Variants in LITAF observed in about 807,000 individuals in gnomAD.
LITAF encodes the protein lipopolysaccharide induced TNF factor.
In LITAF, 9 loss-of-function variants were observed where a neutral mutation model predicts 14.5. The ratio of observed to expected loss-of-function variants is 0.62; its 90% CI spans 0.37 to 1.08. The LOEUF is 1.08. Ranked by LOEUF, LITAF falls within the 50% of genes least tolerant of loss-of-function variation. LITAF has a pLI of 0.01. For synonymous variants in LITAF, 98 were observed against 88.2 expected (o/e 1.11, Z -0.62); for missense variants, 206 against 213.4 (o/e 0.97, Z 0.22).
At chr16:11,563,985 C>A (rs555794926) in intron 1 of LITAF, among the ~76,000 whole-genome samples, 1 of 152,216 alleles carries the variant, frequency 6.6e-6, no homozygotes, top group East Asian at 1.9e-4. Flanking sequence ...CAGCTCACTG[C>A]AACCTCTGCC....
chr16:11,605,222 A>C lies in LITAF; in HGVS notation c.85+28311T>G, dbSNP rs1398273050. Reference sequence around the variant, plus strand: ...CAGCTCTGGATGGAGGATGAGCTGAATTACGCACCGTGGACTTCACCAGTG... The same window carrying C: ...CAGCTCTGGATGGAGGATGAGCTGACTTACGCACCGTGGACTTCACCAGTG... On this transcript the variant is annotated intron_variant, in intron 3 of 3. Transcript: ENST00000574848. The surrounding 1 kb of genome is among the most constrained non-coding windows in gnomAD (Gnocchi z 4.7). Among the ~76,000 whole-genome samples the C allele has an allele frequency of 2.0e-5, 3 of 152,304 alleles. No individual in the cohort carries two copies. Among genetic ancestry groups the C allele is most frequent in the South Asian group, 2.1e-4 (1 of 4,826 alleles).
At chr16:11,562,601 C>T (rs539816156) in intron 1 of LITAF, among the ~76,000 whole-genome samples, 29 of 152,244 alleles carry the variant, frequency 1.9e-4, no homozygotes, top group African/African-American at 5.8e-4. Flanking sequence ...ATTTGCTCAA[C>T]GAAAGGTATT....
At chr16:11,590,743 G>A (rs2064841897), upstream of LITAF, among the ~76,000 whole-genome samples, 1 of 117,178 alleles carries the variant, frequency 8.5e-6, no homozygotes, top group African/African-American at 4.1e-5. Context: ...TTGTTGTTTT[G>A]TGTTTTTGAG....
intron 1 of LITAF, among the ~76,000 whole-genome samples, chr16:11,585,230 C>CAAA (rs35542925): frequency 1.3e-3 from 122 of 90,716 alleles, no homozygotes; most frequent in African/African-American, 4.6e-3. Context: ...GACTCTGTCT[C>CAAA]AAAAAAAAAA....
chr16:11,604,023 G>T (rs1567260658), intron 3 of LITAF, among the ~76,000 whole-genome samples: 4 of 151,440 alleles, frequency 2.6e-5, no homozygotes, highest in Middle Eastern at 6.8e-3. Context: ...CTCCAGCCTG[G>T]GCAACAGAGC....
rs2141908777 is a variant in LITAF at position 11,632,232 on chromosome 16, T to C, written c.85+1301A>G. Among the ~76,000 whole-genome samples the C allele has an allele frequency of 6.6e-6, 1 of 152,208 alleles. No homozygotes were observed. Among genetic ancestry groups the C allele is most frequent in the Non-Finnish European group, 1.5e-5 (1 of 68,004 alleles). ...TGCTGGGAGTTACGTCGTGGACGTG[T>C]CTTTCGGGGAGGGGTCATTATCAAG... On this transcript the variant is annotated intron_variant, in intron 3 of 3. Transcript: ENST00000574848. The surrounding 1 kb of genome is among the most constrained non-coding windows in gnomAD (Gnocchi z 4.8).
intron 2 of LITAF, among the ~76,000 whole-genome samples, chr16:11,555,339 A>ATTAAGTG (rs2064251893): frequency 6.6e-6 from 1 of 152,168 alleles, no homozygotes; most frequent in African/African-American, 2.4e-5. Flanking sequence ...CATACATTTT[A>ATTAAGTG]TTAAGTGTTT....
At chr16:11,578,785 G>A (rs2064684773) in intron 1 of LITAF, among the ~76,000 whole-genome samples, 1 of 152,214 alleles carries the variant, frequency 6.6e-6, no homozygotes, top group South Asian at 2.1e-4. Flanking sequence ...ACCCTGATTT[G>A]AGGGAAATTC....
rs564450177 is a variant in LITAF, at chr16:11,553,878, C to T, written c.221-189G>A. ...GGGAAGGAACACCAGTGTCCATCGA[C>T]GGACCAATAAACTAACACAGCGAAG... On this transcript the variant is annotated intron_variant, in intron 2 of 3. Coordinates refer to ENST00000622633, the MANE Select transcript of LITAF (RefSeq NM_001136472.2). This position sits in a 1 kb window ranked among gnomAD's most constrained non-coding sequence, Gnocchi z 7.7. The T allele has an allele frequency of 3.1e-4, 194 of 617,780 alleles. No homozygotes were observed. The highest frequency in any genetic ancestry group is 2.9e-3 in the Middle Eastern group (7 of 2,390). 38.3% of individuals were successfully genotyped at this position (617,780 alleles called of 1,614,324 possible). A position where few individuals can be genotyped will look rare whatever the true frequency, so the allele number is the denominator to read the frequency against.
intron 3 of LITAF, among the ~76,000 whole-genome samples, chr16:11,624,244 C>G (rs2065070013): frequency 6.6e-6 from 1 of 152,220 alleles, no homozygotes; most frequent in South Asian, 2.1e-4. Flanking sequence ...GGGCCCCCAG[C>G]AGTTCCAGCC....
At chr16:11,594,022 A>AT (rs2064865585) in intron 1 of LITAF, among the ~76,000 whole-genome samples, 11 of 151,950 alleles carry the variant, frequency 7.2e-5, no homozygotes, top group Non-Finnish European at 1.5e-4. Context: ...ACATTAAAAA[A>AT]AATATATACA....
chr16:11,573,587 AAG>A (rs2064580208), intron 1 of LITAF, among the ~76,000 whole-genome samples: 2 of 152,170 alleles, frequency 1.3e-5, no homozygotes, highest in African/African-American at 4.8e-5. Context: ...TGAAACGAGG[AAG>A]AGTTTTATTT....
intron 1 of LITAF, among the ~76,000 whole-genome samples, chr16:11,595,937 G>C (rs887954829): frequency 2.0e-5 from 3 of 152,038 alleles, no homozygotes; most frequent in Admixed American, 1.3e-4. Flanking sequence ...AATGTAACTA[G>C]GCATCCTGGG....
intron 3 of LITAF, among the ~76,000 whole-genome samples, chr16:11,622,240 C>T (rs1206356579): frequency 6.6e-6 from 1 of 152,204 alleles, no homozygotes; most frequent in African/African-American, 2.4e-5. Context: ...GCATCTGGAC[C>T]GCCTGGCACG....
chr16:11,556,006 G>C (rs2064261928), intron 2 of LITAF, among the ~76,000 whole-genome samples: 1 of 152,208 alleles, frequency 6.6e-6, no homozygotes, highest in East Asian at 1.9e-4. Context: ...GACATACCAG[G>C]GCACCCTTGG....
At chr16:11,566,617 C>T (rs6498223) in intron 1 of LITAF, among the ~76,000 whole-genome samples, 84,372 of 151,862 alleles carry the variant, frequency 0.56, 24,138 homozygotes, top group African/African-American at 0.67. Flanking sequence ...TCAAACAAAT[C>T]AGCTGGGCGT....
chr16:11,577,823 C>A (rs974051037), intron 1 of LITAF, among the ~76,000 whole-genome samples: 2 of 152,090 alleles, frequency 1.3e-5, no homozygotes, highest in Non-Finnish European at 2.9e-5. Context: ...CTCCTGGGCT[C>A]AAGCGATCCT....
At chr16:11,617,715 G>A (rs147319395) in intron 3 of LITAF, among the ~76,000 whole-genome samples, 11 of 152,102 alleles carry the variant, frequency 7.2e-5, no homozygotes, top group South Asian at 2.1e-4. Context: ...GTGAGTCACC[G>A]TGCCTGGCCT....
intron 3 of LITAF, among the ~76,000 whole-genome samples, chr16:11,623,257 G>A (rs979295502): frequency 4.0e-5 from 6 of 151,714 alleles, no homozygotes; most frequent in Middle Eastern, 3.4e-3. Context: ...CACCGCGCCC[G>A]GCCGAATATA....
Sources: allele counts gnomAD v4.1 joint callset (sites outside exome capture counted in the v4.1 genomes callset), GRCh38; gene constraint gnomAD v4.1.1; non-coding constraint Gnocchi (gnomAD v3.1); transcripts MANE v1.5; gene names NCBI Gene and HGNC (gene_info 2026-07-23, HGNC 2026-07-21).